The following PTPRQ variants were observed in gnomAD, a reference collection of about 807,000 sequenced individuals.
PTPRQ encodes protein tyrosine phosphatase receptor type Q, also known as phosphatidylinositol phosphatase PTPRQ.
In PTPRQ, 199 loss-of-function variants were observed where a neutral mutation model predicts 246.0. The ratio of observed to expected loss-of-function variants is 0.81; its 90% confidence interval spans 0.72 to 0.91. The LOEUF (loss-of-function observed/expected upper bound fraction) is 0.91, where lower values mean the gene tolerates loss of function less well. Ranked by LOEUF, PTPRQ falls within the 40% of genes least tolerant of loss-of-function variation. The probability of loss-of-function intolerance (pLI) is 0.00; values close to 1 mark genes in which losing one functional copy is unlikely to be tolerated. For synonymous variants in PTPRQ, 869 were observed against 853.2 expected, an observed-to-expected ratio of 1.02 and a Z score of -0.32; for missense variants, 2,624 against 2,528.4, an observed-to-expected ratio of 1.04 and a Z score of -0.81.
chr12:80,579,697 T>G (rs1186388938), intron 25 of PTPRQ, among the ~76,000 whole-genome samples: 1 of 152,210 alleles, frequency 6.6e-6, no homozygotes, highest in Non-Finnish European at 1.5e-5. Context: ...TGCTTTGAAC[T>G]TAACTTTGAA....
intron 39 of PTPRQ, among the ~76,000 whole-genome samples, chr12:80,663,933 C>T (rs1246333283): frequency 6.6e-6 from 1 of 151,988 alleles, no homozygotes; most frequent in African/African-American, 2.4e-5. Flanking sequence ...TTCTCCTAAC[C>T]CAATCAAGAC....
At chr12:80,593,054 T>C (rs965431111) in intron 26 of PTPRQ, among the ~76,000 whole-genome samples, 3 of 152,006 alleles carry the variant, frequency 2.0e-5, no homozygotes, top group Non-Finnish European at 4.4e-5. Flanking sequence ...TGATATAAAA[T>C]AAAATAATAA....
At chr12:80,522,404 A>G (rs1222877465) in intron 17 of PTPRQ, among the ~76,000 whole-genome samples, 1 of 152,130 alleles carries the variant, frequency 6.6e-6, no homozygotes, top group East Asian at 1.9e-4. Flanking sequence ...ACTATGTTGA[A>G]TAGGAGTGGT....
intron 6 of PTPRQ, chr12:80,465,485 A>G (rs1475544842): frequency 3.9e-5 from 6 of 152,198 alleles, no homozygotes; most frequent in Non-Finnish European, 8.8e-5. Context: ...AAAAGAGGGA[A>G]TCCTCCCTAA....
intron 14 of PTPRQ, among the ~76,000 whole-genome samples, chr12:80,498,278 C>T (rs768153745): frequency 8.6e-5 from 13 of 151,972 alleles, no homozygotes; most frequent in Non-Finnish European, 1.8e-4. Context: ...GTCACGGGCC[C>T]TGTTGATAGG....
At chr12:80,468,954 GC>G in intron 7 of PTPRQ, 116 bp downstream of exon 7, 1 of 1,364,522 alleles carries the variant, frequency 7.3e-7, no homozygotes, top group Non-Finnish European at 9.7e-7. Flanking sequence ...TAAGATTGAA[GC>G]AAACAATAGG....
chr12:80,678,967 A>T lies in PTPRQ; in HGVS notation c.6863-19A>T. 1.9e-6 allele frequency: 3 copies of T among 1,540,206 alleles called. No individual in the cohort carries two copies. The highest frequency in any genetic ancestry group is 2.6e-6 in the Non-Finnish European group (3 of 1,142,974). ...GTTAACTTCAACACTCTCTTGTAAC[A>T]TGTTACTTTCTGTTATAGGTGATGT... On this transcript the variant is annotated intron_variant, in intron 44 of 44. Coordinates refer to ENST00000644991, the MANE Select transcript of PTPRQ (RefSeq NM_001145026.2).
chr12:80,480,435 T>C (rs1463925601), intron 8 of PTPRQ, among the ~76,000 whole-genome samples: 79 of 151,738 alleles, frequency 5.2e-4, no homozygotes, highest in Middle Eastern at 3.4e-3. Flanking sequence ...AGATCCAAAA[T>C]TGACAGCCTA....
chr12:80,457,470 C>G, intron 3 of PTPRQ, 105 bp from the exon 4 acceptor site: 1 of 398,352 alleles, frequency 2.5e-6, no homozygotes, highest in Non-Finnish European at 4.5e-6. Context: ...AAAAAAGTAT[C>G]TTTGGCATTT....
chr12:80,578,086 A>T (rs1355209490), intron 25 of PTPRQ, among the ~76,000 whole-genome samples: 2 of 151,078 alleles, frequency 1.3e-5, no homozygotes, highest in Non-Finnish European at 2.9e-5. Flanking sequence ...ATTTTTTATT[A>T]TACTTTAAGT....
chr12:80,526,939 A>G (rs546977482), intron 17 of PTPRQ, among the ~76,000 whole-genome samples: 2 of 152,214 alleles, frequency 1.3e-5, no homozygotes, highest in Admixed American at 1.3e-4. Flanking sequence ...AAAATTATTT[A>G]AGTAATTTTT....
chr12:80,524,665 C>T (rs934412838), intron 17 of PTPRQ, among the ~76,000 whole-genome samples: 9 of 151,906 alleles, frequency 5.9e-5, no homozygotes, highest in Admixed American at 1.3e-4. Context: ...TTTAGCTTAC[C>T]GTGTACTAGT....
At chr12:80,511,416 A>G (rs550175502) in intron 17 of PTPRQ, among the ~76,000 whole-genome samples, 1 of 152,222 alleles carries the variant, frequency 6.6e-6, no homozygotes, top group South Asian at 2.1e-4. Context: ...ATTCCTTTTC[A>G]TTACCCTATT....
chr12:80,484,686 C>G, intron 9 of PTPRQ, 81 bp downstream of exon 9: 1 of 1,484,404 alleles, frequency 6.7e-7, no homozygotes, highest in African/African-American at 1.4e-5. Flanking sequence ...TTGCTAGCAC[C>G]CACACATGTA....
intron 3 of PTPRQ, among the ~76,000 whole-genome samples, chr12:80,451,212 A>G (rs559348140): frequency 6.6e-6 from 1 of 150,640 alleles, no homozygotes. Context: ...TTTCTGTGGG[A>G]TCAGTGGTAA....
intron 26 of PTPRQ, among the ~76,000 whole-genome samples, chr12:80,603,682 G>A (rs1469273839): frequency 2.0e-5 from 3 of 151,440 alleles, no homozygotes; most frequent in Non-Finnish European, 3.0e-5. Flanking sequence ...TGTGGGTCCT[G>A]TTGTTTATGT....
At chr12:80,618,328 TTAAG>T (rs1213936662) in intron 30 of PTPRQ, among the ~76,000 whole-genome samples, 3 of 149,542 alleles carry the variant, frequency 2.0e-5, no homozygotes, top group Non-Finnish European at 4.5e-5. Context: ...TGAAATTTGG[TTAAG>T]TAACTTACTG....
chr12:80,614,437 ATCT>A (rs1426818253), intron 29 of PTPRQ, among the ~76,000 whole-genome samples: 2 of 150,888 alleles, frequency 1.3e-5, no homozygotes, highest in Non-Finnish European at 3.0e-5. Flanking sequence ...CAGAGAAATC[ATCT>A]TCTAAGAAAC....
intron 4 of PTPRQ, among the ~76,000 whole-genome samples, chr12:80,458,668 A>C (rs141672025): frequency 6.6e-6 from 1 of 152,022 alleles, no homozygotes; most frequent in Non-Finnish European, 1.5e-5. Context: ...CATGAGGTTA[A>C]TGGGAATAAT....
Sources: gnomAD v4.1 joint callset for allele counts (sites outside exome capture counted in the v4.1 genomes callset) on GRCh38, gnomAD v4.1.1 for gene constraint, MANE v1.5 for transcripts, NCBI Gene and HGNC (gene_info 2026-07-23, HGNC 2026-07-21) for gene names.